Variants in MAPRE1 observed in about 807,000 individuals in gnomAD.
The protein encoded by MAPRE1 is microtubule-associated protein RP/EB family member 1.
A neutral mutation model predicts 32.1 loss-of-function variants in MAPRE1; 5 were observed. The ratio of observed to expected loss-of-function variants is 0.16; its 90% CI spans 0.08 to 0.33. MAPRE1 has a LOEUF of 0.33. MAPRE1 is among the 10% of genes least tolerant of loss of function. The pLI, the probability that MAPRE1 is intolerant of heterozygous loss-of-function variation, is 1.00. For synonymous variants in MAPRE1, 122 were observed against 118.9 expected (o/e 1.03, Z -0.17); for missense variants, 209 against 327.2 (o/e 0.64, Z 2.79).
chr20:32,825,486 G>A (rs1215061650), intron 1 of MAPRE1, among the ~76,000 whole-genome samples: 2 of 152,106 alleles, frequency 1.3e-5, no homozygotes, highest in South Asian at 2.1e-4. Context: ...GGGGAAGAAG[G>A]TGAGGCTTAA....
At chr20:32,840,940 C>T (rs535785276) in intron 5 of MAPRE1, among the ~76,000 whole-genome samples, 22 of 152,152 alleles carry the variant, frequency 1.4e-4, no homozygotes, top group Non-Finnish European at 2.6e-4. Context: ...CTCAGCCTCC[C>T]GAGTAGCTGG....
At chr20:32,822,749 C>T (rs915390921) in intron 1 of MAPRE1, among the ~76,000 whole-genome samples, 1 of 152,190 alleles carries the variant, frequency 6.6e-6, no homozygotes, top group Non-Finnish European at 1.5e-5. Context: ...AACCCATGTC[C>T]TCCTGGCTTG....
At chr20:32,843,884 TG>T (rs1983431356) in intron 5 of MAPRE1, among the ~76,000 whole-genome samples, 1 of 151,988 alleles carries the variant, frequency 6.6e-6, no homozygotes, top group African/African-American at 2.4e-5. Flanking sequence ...GATGGAGTTT[TG>T]CTCTGTCACA....
At chr20:32,828,246 T>C (rs1982922037) in intron 2 of MAPRE1, among the ~76,000 whole-genome samples, 1 of 152,208 alleles carries the variant, frequency 6.6e-6, no homozygotes, top group African/African-American at 2.4e-5. Flanking sequence ...TCCCCATTTG[T>C]GTGAGGCTTT....
chr20:32,839,772 G>C lies in MAPRE1; in HGVS notation c.513G>C (p.Ala171=). 1 of 1,614,128 alleles carries C rather than the reference G, an allele frequency of 6.2e-7. No individual in the cohort carries two copies. ...CCATCTCAACACAGAGAACCGCTGCGGCTCCTAAGGCTGGCCCTGGTGTGG... is the reference window on the plus strand; with the variant it reads ...CCATCTCAACACAGAGAACCGCTGCCGCTCCTAAGGCTGGCCCTGGTGTGG... ...QRPISTQRTA[A]APKAGPGVVR... Residue 171 remains alanine (A), a synonymous_variant, in exon 5 of 7, where the codon GCG becomes GCC. Transcript: ENST00000375571.
In MAPRE1 at chr20:32,849,200, A is replaced by G. The variant is rs1295213112; in HGVS notation, c.*472A>G. 6.5e-6 allele frequency: 1 copy of G among 153,332 alleles called. No individual in the cohort carries two copies. The highest frequency in any genetic ancestry group is 2.4e-5 in the African/African-American group (1 of 41,464). 9.5% of individuals were successfully genotyped at this position (153,332 alleles called of 1,614,324 possible). ...CATGACAAGAGATTTTGCGTTTGAC[A>G]TTGTGTCTGGGAAGGAAGGGCCAGA... is the stretch of plus-strand genomic sequence containing the variant. On this transcript the variant is annotated 3_prime_UTR_variant, in exon 7 of 7. Transcript: ENST00000375571.
chr20:32,826,908 C>T (rs190878493), intron 2 of MAPRE1, among the ~76,000 whole-genome samples: 8 of 152,190 alleles, frequency 5.3e-5, no homozygotes, highest in Non-Finnish European at 1.0e-4. Flanking sequence ...AGCTCAGCCC[C>T]GACTTCTTGG....
At chr20:32,834,603 T>C (rs1322185497) in intron 3 of MAPRE1, among the ~76,000 whole-genome samples, 1 of 152,136 alleles carries the variant, frequency 6.6e-6, no homozygotes, top group African/African-American at 2.4e-5. Context: ...TGGTGTCTGG[T>C]TTTTATTTAT....
chr20:32,846,901 C>T (rs1225457399), intron 6 of MAPRE1, 131 bp downstream of exon 6: 1 of 929,938 alleles, frequency 1.1e-6, no homozygotes, highest in Admixed American at 2.1e-5. Context: ...CAAAGTCAGC[C>T]AGAGGGCATC....
At chr20:32,820,550 T>C (rs1982667868) in intron 1 of MAPRE1, among the ~76,000 whole-genome samples, 1 of 152,132 alleles carries the variant, frequency 6.6e-6, no homozygotes, top group Non-Finnish European at 1.5e-5. Context: ...CTACCCACAT[T>C]AAACTCTTAG....
intron 2 of MAPRE1, among the ~76,000 whole-genome samples, chr20:32,827,373 A>G (rs772027449): frequency 2.0e-5 from 3 of 152,016 alleles, no homozygotes; most frequent in Non-Finnish European, 4.4e-5. Context: ...GCACCACTGC[A>G]CTCCAGCCTG....
At chr20:32,847,125 CAG>C (rs1015111323) in intron 6 of MAPRE1, among the ~76,000 whole-genome samples, 1 of 152,234 alleles carries the variant, frequency 6.6e-6, no homozygotes, top group African/African-American at 2.4e-5. Context: ...TCCATTTTAT[CAG>C]GGCCCGGGGC....
chr20:32,831,694 G>T (rs942175009), intron 2 of MAPRE1, among the ~76,000 whole-genome samples: 20 of 151,606 alleles, frequency 1.3e-4, no homozygotes, highest in African/African-American at 4.4e-4. Context: ...CACCACGCCT[G>T]GCCAATTTTT....
chr20:32,845,852 T>C (rs999587689), intron 5 of MAPRE1, among the ~76,000 whole-genome samples: 1 of 152,156 alleles, frequency 6.6e-6, no homozygotes, highest in African/African-American at 2.4e-5. Flanking sequence ...GCTTGTAGAA[T>C]TCCCTTCTGC....
chr20:32,836,738 T>C lies in MAPRE1; in HGVS notation c.372T>C (p.Tyr124=). ...ATGCAAACTATGATGGAAAAGACTATGACCCTGTGGCTGCCAGACAAGGTC... is the reference window on the plus strand; with the variant it reads ...ATGCAAACTATGATGGAAAAGACTACGACCCTGTGGCTGCCAGACAAGGTC... The part of the protein sequence containing the change: ...FFDANYDGKD[Y]DPVAARQGQE... Residue 124 remains tyrosine (Y), a synonymous_variant, in exon 4 of 7, where the codon TAT becomes TAC. Coordinates refer to ENST00000375571, the MANE Select transcript of MAPRE1 (RefSeq NM_012325.3). 1.2e-6 allele frequency: 2 copies of C among 1,614,090 alleles called. No homozygotes were observed. The highest frequency in any genetic ancestry group is 2.2e-5 in the South Asian group (2 of 91,082).
chr20:32,823,143 T>C (rs1476631355), intron 1 of MAPRE1, among the ~76,000 whole-genome samples: 1 of 152,224 alleles, frequency 6.6e-6, no homozygotes. Flanking sequence ...TGGCAAGTTA[T>C]TGACCTCTAC....
rs1443592139 is a variant in MAPRE1 at position 32,848,821 on chromosome 20, A to C, written c.*93A>C. On this transcript the variant is annotated 3_prime_UTR_variant, in exon 7 of 7. Coordinates refer to ENST00000375571, the MANE Select transcript of MAPRE1 (RefSeq NM_012325.3). ...CCCTTTTGTTATCCTTAGAGGACTC[A>C]CTGGTTTCTTTTCATAAGCAAAAAG... is the stretch of plus-strand genomic sequence containing the variant. 1.3e-5 allele frequency: 14 copies of C among 1,114,562 alleles called. No individual in the cohort carries two copies. The highest frequency in any genetic ancestry group is 1.6e-5 in the Non-Finnish European group (13 of 788,668). 69.0% of individuals were successfully genotyped at this position (1,114,562 alleles called of 1,614,324 possible). A position where few individuals can be genotyped will look rare whatever the true frequency, so the allele number is the denominator to read the frequency against.
intron 2 of MAPRE1, 40 bp from the exon 3 acceptor site, chr20:32,833,677 C>T (rs768928897): frequency 1.9e-6 from 3 of 1,582,992 alleles, no homozygotes; most frequent in Non-Finnish European, 2.6e-6. Context: ...GTTCACCCTG[C>T]TTCTTTAATT....
chr20:32,826,852 G>T (rs1982868389), intron 2 of MAPRE1, among the ~76,000 whole-genome samples: 1 of 152,034 alleles, frequency 6.6e-6, no homozygotes, highest in Non-Finnish European at 1.5e-5. Context: ...GCTCTGGCCT[G>T]CAGGTCCACC....
Sources: gnomAD v4.1 joint callset for allele counts (sites outside exome capture counted in the v4.1 genomes callset) on GRCh38, gnomAD v4.1.1 for gene constraint, MANE v1.5 for transcripts, NCBI Gene and HGNC (gene_info 2026-07-23, HGNC 2026-07-21) for gene names.